Variants in XPR1 observed in about 807,000 individuals in gnomAD.
XPR1 encodes the protein xenotropic and polytropic retrovirus receptor 1.
A neutral mutation model predicts 87.5 loss-of-function variants in XPR1; 28 were observed. The observed-to-expected ratio is 0.32, with a 90% CI of 0.24 to 0.44. XPR1 has a LOEUF of 0.44. Among genes scored for constraint, XPR1 ranks in the 20% least tolerant of loss-of-function variants. XPR1 has a pLI of 1.00. For synonymous variants in XPR1, 300 were observed against 306.1 expected, an observed-to-expected ratio of 0.98 and a Z score of 0.21; for missense variants, 559 against 862.3, an observed-to-expected ratio of 0.65 and a Z score of 4.41.
chr1:180,760,060 G>A (rs1182539422), intron 2 of XPR1, among the ~76,000 whole-genome samples: 2 of 152,046 alleles, frequency 1.3e-5, no homozygotes, highest in Admixed American at 6.6e-5. Context: ...ACAAAATTCA[G>A]CAACCCTTCA....
chr1:180,753,581 A>G (rs1331407402), intron 2 of XPR1, among the ~76,000 whole-genome samples: 1 of 152,064 alleles, frequency 6.6e-6, no homozygotes, highest in Non-Finnish European at 1.5e-5. Context: ...CAGTGCTGAA[A>G]ATGTTAGAAC....
intron 12 of XPR1, among the ~76,000 whole-genome samples, chr1:180,865,123 A>G (rs1403508595): frequency 6.6e-6 from 1 of 152,184 alleles, no homozygotes; most frequent in Non-Finnish European, 1.5e-5. Context: ...AAAGAATGAT[A>G]TGTAGAGTAA....
At chr1:180,756,770 C>G (rs1036972853) in intron 2 of XPR1, among the ~76,000 whole-genome samples, 2 of 152,040 alleles carry the variant, frequency 1.3e-5, no homozygotes, top group Admixed American at 1.3e-4. Flanking sequence ...GTGGGTGATA[C>G]TTAGTAATGA....
chr1:180,768,551 G>T (rs12068825), intron 2 of XPR1, among the ~76,000 whole-genome samples: 1,915 of 152,306 alleles, frequency 0.013, 30 homozygotes, highest in African/African-American at 0.044. Context: ...ATAATAATCA[G>T]CCCTTGCATT....
chr1:180,671,064 T>C (rs1470880914), intron 1 of XPR1, among the ~76,000 whole-genome samples: 4 of 152,154 alleles, frequency 2.6e-5, no homozygotes, highest in Non-Finnish European at 4.4e-5. Context: ...ATGAGTAATA[T>C]GTAATTTATT....
At chr1:180,801,409 G>A (rs1204840677) in intron 3 of XPR1, among the ~76,000 whole-genome samples, 1 of 152,132 alleles carries the variant, frequency 6.6e-6, no homozygotes, top group African/African-American at 2.4e-5. Context: ...CCACATAAAT[G>A]GATGAAATTT....
chr1:180,729,213 G>A (rs1658468885), intron 2 of XPR1, among the ~76,000 whole-genome samples: 1 of 152,144 alleles, frequency 6.6e-6, no homozygotes, highest in African/African-American at 2.4e-5. Flanking sequence ...GGTGTTATAT[G>A]TATCACATTT....
chr1:180,771,209 C>T (rs1478024154), intron 2 of XPR1, among the ~76,000 whole-genome samples: 1 of 151,914 alleles, frequency 6.6e-6, no homozygotes, highest in Non-Finnish European at 1.5e-5. Flanking sequence ...TTCATTATTA[C>T]CCTATCGTAT....
chr1:180,770,985 C>T (rs1401027677), intron 2 of XPR1, among the ~76,000 whole-genome samples: 1 of 152,232 alleles, frequency 6.6e-6, no homozygotes, highest in East Asian at 1.9e-4. Context: ...TAGTGCCTGT[C>T]GATGTGCTCC....
At chr1:180,811,721 T>C (rs1413974131) in intron 7 of XPR1, among the ~76,000 whole-genome samples, 2 of 152,156 alleles carry the variant, frequency 1.3e-5, no homozygotes, top group African/African-American at 4.8e-5. Flanking sequence ...ATGACTTCTT[T>C]TTCTTCATCA....
intron 9 of XPR1, among the ~76,000 whole-genome samples, chr1:180,826,436 T>TA (rs1157476079): frequency 6.6e-6 from 1 of 152,132 alleles, no homozygotes; most frequent in African/African-American, 2.4e-5. Flanking sequence ...TAGTCCCAGA[T>TA]ACTTGTGACG....
chr1:180,875,374 T>C (rs1322890136), intron 13 of XPR1, among the ~76,000 whole-genome samples: 1 of 152,000 alleles, frequency 6.6e-6, no homozygotes, highest in African/African-American at 2.4e-5. Context: ...CTGGGCATGG[T>C]GGTGCGCGCC....
chr1:180,738,692 G>A (rs558696714), intron 2 of XPR1, among the ~76,000 whole-genome samples: 2 of 152,034 alleles, frequency 1.3e-5, no homozygotes, highest in South Asian at 2.1e-4. Flanking sequence ...TTTGCCATTA[G>A]TATTTCCCAG....
At chr1:180,861,905 G>C (rs1227681630) in intron 11 of XPR1, among the ~76,000 whole-genome samples, 1 of 152,034 alleles carries the variant, frequency 6.6e-6, no homozygotes, top group African/African-American at 2.4e-5. Context: ...AAGATGTACA[G>C]TAGCACAGCA....
At chr1:180,699,412 T>C (rs1266328976) in intron 2 of XPR1, among the ~76,000 whole-genome samples, 1 of 114,122 alleles carries the variant, frequency 8.8e-6, no homozygotes, top group South Asian at 3.4e-4. Flanking sequence ...CCCCTTCCTG[T>C]GTCCAAGTGA....
At chr1:180,653,123 A>C (rs1002603493) in intron 1 of XPR1, among the ~76,000 whole-genome samples, 4 of 152,222 alleles carry the variant, frequency 2.6e-5, no homozygotes, top group African/African-American at 9.6e-5. Context: ...GAACTAGATG[A>C]ACAACACAGT....
chr1:180,669,896 C>T (rs1298250210), intron 1 of XPR1, among the ~76,000 whole-genome samples: 1 of 152,138 alleles, frequency 6.6e-6, no homozygotes, highest in African/African-American at 2.4e-5. Flanking sequence ...AATGTGGTCT[C>T]TGTCTCTTAA....
chr1:180,648,742 A>G (rs1220216828), intron 1 of XPR1, among the ~76,000 whole-genome samples: 1 of 152,170 alleles, frequency 6.6e-6, no homozygotes, highest in African/African-American at 2.4e-5. Context: ...TCCTGACCCC[A>G]GGTGATCCAC....
intron 2 of XPR1, among the ~76,000 whole-genome samples, chr1:180,717,543 C>G (rs2101992741): frequency 6.6e-6 from 1 of 151,944 alleles, no homozygotes; most frequent in Admixed American, 6.6e-5. Flanking sequence ...CTGGGGATTG[C>G]TAAAAATATG....
Sources: allele counts gnomAD v4.1 joint callset (sites outside exome capture counted in the v4.1 genomes callset), GRCh38; gene constraint gnomAD v4.1.1; transcripts MANE v1.5; gene names NCBI Gene and HGNC (gene_info 2026-07-23, HGNC 2026-07-21).